Variants in KHDRBS3 observed in about 807,000 individuals in gnomAD.
KHDRBS3 encodes KH RNA binding domain containing, signal transduction associated 3.
A neutral mutation model predicts 45.6 loss-of-function variants in KHDRBS3; 23 were observed. That is an observed-to-expected ratio of 0.50 (90% confidence interval 0.36 to 0.72). The LOEUF (loss-of-function observed/expected upper bound fraction) is 0.72. Among genes scored for constraint, KHDRBS3 ranks in the 30% least tolerant of loss-of-function variants. The probability of loss-of-function intolerance (pLI) is 0.00; values close to 1 mark genes in which losing one functional copy is unlikely to be tolerated. For synonymous variants in KHDRBS3, 162 were observed against 156.5 expected, an observed-to-expected ratio of 1.04 and a Z score of -0.26; for missense variants, 352 against 424.8, an observed-to-expected ratio of 0.83 and a Z score of 1.51.
chr8:135,616,895 A>G (rs1303965621), intron 7 of KHDRBS3, among the ~76,000 whole-genome samples: 1 of 152,084 alleles, frequency 6.6e-6, no homozygotes, highest in Non-Finnish European at 1.5e-5. Context: ...CAAATCTTGC[A>G]TATATAGTCT....
intron 7 of KHDRBS3, among the ~76,000 whole-genome samples, chr8:135,634,032 A>G (rs535128318): frequency 1.3e-5 from 2 of 152,184 alleles, no homozygotes; most frequent in African/African-American, 2.4e-5. Flanking sequence ...CTACCCAGTC[A>G]TTCCTCCCTC....
chr8:135,465,281 T>C (rs1378626617), intron 1 of KHDRBS3, among the ~76,000 whole-genome samples: 1 of 149,072 alleles, frequency 6.7e-6, no homozygotes, highest in Non-Finnish European at 1.5e-5. Flanking sequence ...GTTGCTGTTT[T>C]AGACGTAAGT....
chr8:135,558,507 A>G (rs1358707444), intron 5 of KHDRBS3, among the ~76,000 whole-genome samples: 1 of 152,196 alleles, frequency 6.6e-6, no homozygotes, highest in Non-Finnish European at 1.5e-5. Flanking sequence ...CACTTCCTCA[A>G]TTATGCATTG....
chr8:135,481,243 TA>T (rs1440767763), intron 1 of KHDRBS3, among the ~76,000 whole-genome samples: 15 of 131,076 alleles, frequency 1.1e-4, no homozygotes, highest in African/African-American at 1.8e-4. Context: ...TATATATATA[TA>T]TATATATTTA....
chr8:135,601,735 T>A (rs1179302900), intron 6 of KHDRBS3, among the ~76,000 whole-genome samples: 1 of 152,226 alleles, frequency 6.6e-6, no homozygotes, highest in East Asian at 1.9e-4. Flanking sequence ...TAAGAGTAGA[T>A]TCTAAGCTTA....
At chr8:135,623,653 G>A (rs1270402570) in intron 7 of KHDRBS3, among the ~76,000 whole-genome samples, 7 of 151,884 alleles carry the variant, frequency 4.6e-5, no homozygotes, top group Middle Eastern at 6.8e-3. Context: ...AAGACCAGGT[G>A]GAAAATGGGT....
chr8:135,535,225 A>G (rs1297003973), intron 2 of KHDRBS3, among the ~76,000 whole-genome samples: 1 of 147,936 alleles, frequency 6.8e-6, no homozygotes, highest in Non-Finnish European at 1.5e-5. Flanking sequence ...TATTAACTAT[A>G]ATAAACTATT....
At position 135,530,069 on chromosome 8, in the gene KHDRBS3, A is replaced by AAAAAAAAAG. The variant is rs1341004544; in HGVS notation, c.207+8717_207+8718insAAAAAGAAA. Among the ~76,000 whole-genome samples, 1,318 of 151,736 alleles carry AAAAAAAAAG rather than the reference A, an allele frequency of 8.7e-3. 22 individuals carry two copies. Among genetic ancestry groups the AAAAAAAAAG allele is most frequent in the African/African-American group, 0.028 (1,163 of 41,236 alleles). ...GTGAGACTCCCATCTCAAAAAAAAA[A>AAAAAAAAAG]AAAGAAATTAAAGTCTGTGATGAAT... On this transcript the variant is annotated intron_variant, in intron 2 of 8. Transcript: ENST00000355849.
chr8:135,490,869 G>A (rs1158543857), intron 1 of KHDRBS3, among the ~76,000 whole-genome samples: 1 of 152,194 alleles, frequency 6.6e-6, no homozygotes, highest in Non-Finnish European at 1.5e-5. Flanking sequence ...TCTGTGGAAA[G>A]AATTTGTACT....
chr8:135,471,879 C>T (rs896670882), intron 1 of KHDRBS3, among the ~76,000 whole-genome samples: 18 of 152,324 alleles, frequency 1.2e-4, no homozygotes, highest in African/African-American at 7.2e-5. Context: ...TATCACACTG[C>T]GATCGTGATG....
chr8:135,595,058 T>A (rs1273699900), intron 6 of KHDRBS3, among the ~76,000 whole-genome samples: 1 of 152,238 alleles, frequency 6.6e-6, no homozygotes, highest in East Asian at 1.9e-4. Flanking sequence ...ACACACAGCA[T>A]TGATGAATCT....
intron 4 of KHDRBS3, among the ~76,000 whole-genome samples, chr8:135,552,492 T>C (rs1378204569): frequency 6.6e-6 from 1 of 152,182 alleles, no homozygotes; most frequent in Non-Finnish European, 1.5e-5. Flanking sequence ...ACAGCCTCTT[T>C]GTACTGCTTT....
intron 6 of KHDRBS3, among the ~76,000 whole-genome samples, chr8:135,597,831 T>C (rs1202118438): frequency 6.6e-6 from 1 of 152,224 alleles, no homozygotes; most frequent in Non-Finnish European, 1.5e-5. Flanking sequence ...TTGTGGAATT[T>C]CTGGTTTAAT....
At chr8:135,598,351 G>A (rs1829061151) in intron 6 of KHDRBS3, among the ~76,000 whole-genome samples, 1 of 152,060 alleles carries the variant, frequency 6.6e-6, no homozygotes, top group Admixed American at 6.5e-5. Flanking sequence ...CACAACCACT[G>A]GTAACAACCA....
intron 7 of KHDRBS3, among the ~76,000 whole-genome samples, chr8:135,638,162 T>G (rs955435630): frequency 2.6e-5 from 4 of 152,226 alleles, no homozygotes; most frequent in Non-Finnish European, 5.9e-5. Context: ...CTCAGGGTGT[T>G]CTCATAACTG....
chr8:135,584,674 T>G (rs929416550), intron 6 of KHDRBS3, among the ~76,000 whole-genome samples: 3 of 151,962 alleles, frequency 2.0e-5, no homozygotes, highest in Non-Finnish European at 4.4e-5. Flanking sequence ...GTATAAGGAG[T>G]AGATAAAGCC....
intron 5 of KHDRBS3, among the ~76,000 whole-genome samples, chr8:135,577,988 G>C (rs1036952352): frequency 6.6e-6 from 1 of 152,142 alleles, no homozygotes; most frequent in South Asian, 2.1e-4. Context: ...AGTGACAAAT[G>C]ATGTTGAACA....
intron 1 of KHDRBS3, among the ~76,000 whole-genome samples, chr8:135,472,312 G>A (rs777853005): frequency 2.6e-5 from 4 of 152,032 alleles, no homozygotes; most frequent in Admixed American, 6.5e-5. Flanking sequence ...CTAAACTCCA[G>A]GTTTTCACTT....
At chr8:135,556,131 A>G (rs1384825183) in intron 4 of KHDRBS3, among the ~76,000 whole-genome samples, 2 of 152,242 alleles carry the variant, frequency 1.3e-5, no homozygotes, top group South Asian at 2.1e-4. Flanking sequence ...AATCCAGTCT[A>G]TCATTGATGG....
Sources: gnomAD v4.1 joint callset for allele counts (sites outside exome capture counted in the v4.1 genomes callset) on GRCh38, gnomAD v4.1.1 for gene constraint, MANE v1.5 for transcripts, NCBI Gene and HGNC (gene_info 2026-07-23, HGNC 2026-07-21) for gene names.